The following FARS2 variants were observed in gnomAD, a reference collection of about 807,000 sequenced individuals.
FARS2 encodes the protein phenylalanine--tRNA ligase, mitochondrial.
FARS2 carries 40 observed loss-of-function variants against 46.4 expected under a neutral mutation model. That is an observed-to-expected ratio of 0.86 (90% CI 0.67 to 1.12). FARS2 has a LOEUF of 1.12. Among genes scored for constraint, FARS2 ranks in the 50% most tolerant of loss-of-function variants. The probability of loss-of-function intolerance (pLI) is 0.00; values close to 1 mark genes in which losing one functional copy is unlikely to be tolerated. For synonymous variants in FARS2, 234 were observed against 214.9 expected, an observed-to-expected ratio of 1.09 and a Z score of -0.78; for missense variants, 513 against 567.9, an observed-to-expected ratio of 0.90 and a Z score of 0.98.
At chr6:5,634,424 T>C (rs7740692) in intron 6 of FARS2, among the ~76,000 whole-genome samples, 70,243 of 151,670 alleles carry the variant, frequency 0.46, 16,481 homozygotes, top group East Asian at 0.6. Flanking sequence ...TGTGTCAACC[T>C]CCTGAATAGC....
At chr6:5,667,115 C>A (rs1778166886) in intron 6 of FARS2, among the ~76,000 whole-genome samples, 1 of 152,064 alleles carries the variant, frequency 6.6e-6, no homozygotes, top group Non-Finnish European at 1.5e-5. Context: ...AGGCTTAATA[C>A]CTGGGTGACA....
intron 2 of FARS2, among the ~76,000 whole-genome samples, chr6:5,393,767 T>A (rs9502295): frequency 0.11 from 17,294 of 152,244 alleles, 2,345 homozygotes; most frequent in African/African-American, 0.33. Context: ...GGCACCCTTT[T>A]CCTCTTTGAC....
chr6:5,691,560 A>C (rs1004042944), intron 6 of FARS2, among the ~76,000 whole-genome samples: 2 of 152,174 alleles, frequency 1.3e-5, no homozygotes, highest in Non-Finnish European at 2.9e-5. Flanking sequence ...GTTTTGTCTC[A>C]GAGGAGTACC....
chr6:5,717,222 C>T (rs1399306105), intron 6 of FARS2, among the ~76,000 whole-genome samples: 1 of 152,100 alleles, frequency 6.6e-6, no homozygotes, highest in African/African-American at 2.4e-5. Flanking sequence ...GGTAGAAGGT[C>T]AGAGAGAGAT....
At chr6:5,494,126 CT>C (rs56775720) in intron 4 of FARS2, among the ~76,000 whole-genome samples, 25,296 of 130,972 alleles carry the variant, frequency 0.19, 2,190 homozygotes, top group African/African-American at 0.26. Flanking sequence ...TTTTTTTTTT[CT>C]TTTTTTTTTT....
chr6:5,723,842 G>C (rs569451523), intron 6 of FARS2, among the ~76,000 whole-genome samples: 1 of 152,352 alleles, frequency 6.6e-6, no homozygotes, highest in Non-Finnish European at 1.5e-5. Context: ...AGGCTTCAGG[G>C]CTTTGGGCCA....
At chr6:5,613,347 C>T (rs759630066) in intron 6 of FARS2, 27 bp downstream of exon 6, 1 of 1,599,122 alleles carries the variant, frequency 6.3e-7, no homozygotes, top group Non-Finnish European at 8.5e-7. Flanking sequence ...CTGATTTTAC[C>T]CTTGACTATC....
chr6:5,605,508 C>G (rs2150648691), intron 5 of FARS2, among the ~76,000 whole-genome samples: 1 of 152,312 alleles, frequency 6.6e-6, no homozygotes, highest in East Asian at 1.9e-4. Context: ...GGGCAAGAAC[C>G]CAGACCACCA....
intron 4 of FARS2, among the ~76,000 whole-genome samples, chr6:5,510,097 G>C (rs998540975): frequency 1.3e-5 from 2 of 152,124 alleles, no homozygotes; most frequent in African/African-American, 4.8e-5. Flanking sequence ...ACAACCAAAG[G>C]CTGGGGTTTG....
chr6:5,731,778 G>GA (rs1025595805), intron 6 of FARS2, among the ~76,000 whole-genome samples: 12 of 152,054 alleles, frequency 7.9e-5, no homozygotes, highest in Admixed American at 5.2e-4. Context: ...CTGAAGATCA[G>GA]AAAAAATCAG....
intron 4 of FARS2, among the ~76,000 whole-genome samples, chr6:5,525,671 G>T (rs1298914587): frequency 6.6e-6 from 1 of 152,252 alleles, no homozygotes; most frequent in Non-Finnish European, 1.5e-5. Context: ...GCAGTTCAAA[G>T]AGCTTGCCTA....
chr6:5,728,143 C>T (rs1760383686), intron 6 of FARS2, among the ~76,000 whole-genome samples: 1 of 152,088 alleles, frequency 6.6e-6, no homozygotes, highest in Non-Finnish European at 1.5e-5. Context: ...TTGTTCATCT[C>T]AAAGGGTAGC....
chr6:5,478,022 A>AAAAC (rs201790711), intron 4 of FARS2, among the ~76,000 whole-genome samples: 5 of 151,964 alleles, frequency 3.3e-5, no homozygotes, highest in Non-Finnish European at 5.9e-5. Context: ...CCTGTCTCAG[A>AAAAC]AAACAAACAA....
intron 1 of FARS2, among the ~76,000 whole-genome samples, chr6:5,351,501 G>T (rs1300863154): frequency 6.6e-6 from 1 of 152,184 alleles, no homozygotes; most frequent in Non-Finnish European, 1.5e-5. Context: ...GCTTATGGAA[G>T]ATTTTCAGCT....
chr6:5,731,602 C>T (rs561750881), intron 6 of FARS2, among the ~76,000 whole-genome samples: 2 of 152,160 alleles, frequency 1.3e-5, no homozygotes, highest in Non-Finnish European at 2.9e-5. Flanking sequence ...CTGTGTACTC[C>T]TCTATGAGTA....
At chr6:5,386,901 G>A (rs1023460138) in intron 2 of FARS2, among the ~76,000 whole-genome samples, 6 of 152,132 alleles carry the variant, frequency 3.9e-5, no homozygotes, top group Non-Finnish European at 5.9e-5. Context: ...TGTGATCTAT[G>A]GGCATATGAT....
At chr6:5,753,833 C>G (rs369883300) in intron 6 of FARS2, among the ~76,000 whole-genome samples, 1 of 152,148 alleles carries the variant, frequency 6.6e-6, no homozygotes, top group African/African-American at 2.4e-5. Flanking sequence ...AAGTGGCAGT[C>G]CAGCACCATG....
At chr6:5,369,881 G>T (rs1210953060) in intron 2 of FARS2, among the ~76,000 whole-genome samples, 2 of 144,320 alleles carry the variant, frequency 1.4e-5, no homozygotes, top group Non-Finnish European at 3.1e-5. Context: ...TTTTTTTGTT[G>T]TTTTTTTTTT....
intron 2 of FARS2, among the ~76,000 whole-genome samples, chr6:5,379,156 C>T (rs1365772508): frequency 6.6e-6 from 1 of 152,134 alleles, no homozygotes; most frequent in Non-Finnish European, 1.5e-5. Flanking sequence ...TTAAGGGTGC[C>T]ACTCTATCTC....
Sources: allele counts gnomAD v4.1 joint callset (sites outside exome capture counted in the v4.1 genomes callset), GRCh38; gene constraint gnomAD v4.1.1; transcripts MANE v1.5; gene names NCBI Gene and HGNC (gene_info 2026-07-23, HGNC 2026-07-21).